APLP2: variants seen among roughly 807,000 people sequenced by gnomAD.
APLP2 encodes the protein CDEI box-binding protein.
A neutral mutation model predicts 89.9 loss-of-function variants in APLP2; 53 were observed. The observed-to-expected ratio is 0.59, with a 90% CI of 0.47 to 0.74. The LOEUF (loss-of-function observed/expected upper bound fraction) is 0.74. APLP2 is among the 30% of genes least tolerant of loss of function. The probability of loss-of-function intolerance (pLI) is 0.00; values close to 1 mark genes in which losing one functional copy is unlikely to be tolerated. For missense variants in APLP2, 973 were observed against 975.9 expected (o/e 1.00, Z 0.04); for synonymous variants, 372 against 348.6 (o/e 1.07, Z -0.75).
At chr11:130,134,599 T>A (rs894011548) in intron 12 of APLP2, among the ~76,000 whole-genome samples, 5 of 152,366 alleles carry the variant, frequency 3.3e-5, no homozygotes, top group Middle Eastern at 3.4e-3. Flanking sequence ...TATGAATTTT[T>A]AAAAGCTCAC....
chr11:130,070,478 G>C (rs74946162), intron 1 of APLP2: 69,857 of 1,088,572 alleles, frequency 0.064, 3,100 homozygotes, highest in African/African-American at 0.2. Flanking sequence ...GCTTTCTCCA[G>C]GGGCGGCCCC....
Position 130,135,684 on chromosome 11 carries a change from C to G in APLP2, c.1806C>G (p.Phe602Leu). Reference protein sequence around the residue: ...ESEEIPPFHPFHPFPALPENE... With the variant: ...ESEEIPPFHPLHPFPALPENE... ...AGGAGATCCCACCGTTCCACCCCTT[C>G]CACCCCTTCCCAGCCCTACCTGAGA... is the stretch of plus-strand genomic sequence containing the variant. Residue 602 changes from phenylalanine (F) to leucine (L), a missense_variant, in exon 13 of 17, where the codon TTC becomes TTG. Phe to Leu is a conservative substitution (Grantham distance 22). Transcript: ENST00000338167. The G allele has an allele frequency of 6.2e-7, 1 of 1,614,148 alleles. No individual in the cohort carries two copies. The highest frequency in any genetic ancestry group is 8.5e-7 in the Non-Finnish European group (1 of 1,180,014).
At chr11:130,094,142 C>T (rs1350123909) in intron 1 of APLP2, among the ~76,000 whole-genome samples, 2 of 151,346 alleles carry the variant, frequency 1.3e-5, no homozygotes, top group Middle Eastern at 3.4e-3. Flanking sequence ...CAACTTCTGC[C>T]TCCCGGGTTT....
intron 1 of APLP2, among the ~76,000 whole-genome samples, chr11:130,074,338 C>G (rs1941716304): frequency 6.6e-6 from 1 of 152,150 alleles, no homozygotes; most frequent in Non-Finnish European, 1.5e-5. Context: ...GCCTCAGCCT[C>G]CAGAGTAGCT....
At chr11:130,133,483 CT>C in intron 11 of APLP2, 145 bp from the exon 12 acceptor site, 1 of 621,898 alleles carries the variant, frequency 1.6e-6, no homozygotes. Context: ...TACATTTCCC[CT>C]GACCAGTTGC....
At chr11:130,137,195 TC>T in intron 13 of APLP2, 2 of 1,460,198 alleles carry the variant, frequency 1.4e-6, no homozygotes, top group South Asian at 1.2e-5. Flanking sequence ...GAAGCCATTT[TC>T]TTTTTTAATC....
chr11:130,084,625 T>A (rs963524084), intron 1 of APLP2, among the ~76,000 whole-genome samples: 1 of 152,076 alleles, frequency 6.6e-6, no homozygotes, highest in African/African-American at 2.4e-5. Context: ...AATTAGATGA[T>A]GTTTTGAACG....
Position 130,141,647 on chromosome 11 carries a change from G to A in APLP2, c.1998+75G>A. On this transcript the variant is annotated intron_variant, in intron 15 of 16. Transcript: ENST00000338167. The surrounding 1 kb of genome is among the most constrained non-coding windows in gnomAD (Gnocchi z 4.2). The stretch of plus-strand genomic sequence containing the variant: ...TCTCCTCTGGACCTTCTCAGTTCAA[G>A]TAGAAAACGGGAGAGATGCCTGAGC... The A allele has an allele frequency of 1.5e-6, 2 of 1,355,626 alleles. No individual in the cohort carries two copies. The highest frequency in any genetic ancestry group is 1.2e-5 in the South Asian group (1 of 83,468). The allele number at this position is 1,355,626 out of a possible 1,614,324, so 84.0% of individuals were successfully genotyped here.
intron 1 of APLP2, among the ~76,000 whole-genome samples, chr11:130,097,208 T>G (rs1004279212): frequency 6.6e-5 from 10 of 152,246 alleles, no homozygotes; most frequent in African/African-American, 2.4e-4. Context: ...ATATCCAGAT[T>G]GATATCTGAG....
chr11:130,100,918 A>G (rs985609391), intron 1 of APLP2, among the ~76,000 whole-genome samples: 1 of 152,340 alleles, frequency 6.6e-6, no homozygotes, highest in East Asian at 1.9e-4. Context: ...TTTTACTGCT[A>G]TACAACCGGA....
rs1951479796 is a variant in APLP2 at position 130,135,628 on chromosome 11, G to A, written c.1750G>A (p.Val584Met). The change falls in exon 13 of 17, where the codon GTG becomes ATG. Residue 584 changes from valine to methionine, a missense_variant. By Grantham distance (21) the Val-to-Met change is conservative. Transcript: ENST00000338167. ...QFTASISETP[V>M]DVRVSSEESE... ...CACTGCCTCAATCTCAGAGACCCCT[G>A]TGGACGTCCGGGTGAGCTCTGAGGA... 1.9e-6 allele frequency: 3 copies of A among 1,614,072 alleles called. No individual in the cohort carries two copies. The highest frequency in any genetic ancestry group is 2.2e-5 in the East Asian group (1 of 44,898).
At chr11:130,097,418 G>T (rs1379534766) in intron 1 of APLP2, among the ~76,000 whole-genome samples, 3 of 152,214 alleles carry the variant, frequency 2.0e-5, no homozygotes, top group Non-Finnish European at 4.4e-5. Context: ...TAAGGACCAG[G>T]TATGGCGACT....
chr11:130,121,315 T>C lies in APLP2; in HGVS notation c.517-299T>C, dbSNP rs541074734. Among the ~76,000 whole-genome samples the C allele has an allele frequency of 7.4e-4, 113 of 152,356 alleles. 2 individuals are homozygous for C. The South Asian group carries it at 0.019, about 26-fold the overall frequency. ...CACCAGTGGTGAGTATCTATTAACA[T>C]TGACCACCTTATCTGGCTTTAGTCA... On this transcript the variant is annotated intron_variant, in intron 4 of 16. Transcript: ENST00000338167.
rs1466747449 is a variant in APLP2, at chr11:130,130,099, A to G, written c.1517A>G (p.His506Arg). Residue 506 changes from histidine (H) to arginine (R), a missense_variant, in exon 11 of 17, where the codon CAT becomes CGT. His to Arg is a conservative substitution (Grantham distance 29). Transcript: ENST00000338167. Reference sequence around the variant, plus strand: ...CGTGCTGAGAACAAAGATCGCTTACATACCATCCGTCATTACCAGCATGTG... The same window carrying G: ...CGTGCTGAGAACAAAGATCGCTTACGTACCATCCGTCATTACCAGCATGTG... ...YVRAENKDRL[H>R]TIRHYQHVLA... 4 of 1,614,132 alleles carry G rather than the reference A, an allele frequency of 2.5e-6. No individual in the cohort carries two copies. Among genetic ancestry groups the G allele is most frequent in the Non-Finnish European group, 1.7e-6 (2 of 1,180,038 alleles).
chr11:130,099,095 C>T (rs1472892569), intron 1 of APLP2, among the ~76,000 whole-genome samples: 1 of 152,160 alleles, frequency 6.6e-6, no homozygotes, highest in Non-Finnish European at 1.5e-5. Flanking sequence ...AGCCCAACTT[C>T]ACACCATTTA....
intron 11 of APLP2, among the ~76,000 whole-genome samples, chr11:130,131,180 C>G (rs571006682): frequency 2.0e-5 from 3 of 152,308 alleles, no homozygotes; most frequent in African/African-American, 7.2e-5. Context: ...CTCACTGCAA[C>G]TTCTGCCTCC....
chr11:130,105,930 C>T (rs57040202), intron 1 of APLP2, among the ~76,000 whole-genome samples: 14,794 of 151,834 alleles, frequency 0.097, 1,065 homozygotes, highest in African/African-American at 0.19. Context: ...CTCGAACTCC[C>T]GACCTCAGGT....
chr11:130,091,773 A>C (rs1345958413), intron 1 of APLP2, among the ~76,000 whole-genome samples: 25 of 127,450 alleles, frequency 2.0e-4, no homozygotes, highest in Admixed American at 6.4e-4. Flanking sequence ...GGGGGGCTGA[A>C]CCCCCCACCT....
chr11:130,114,433 T>TC (rs1260609485), intron 3 of APLP2: 2 of 152,240 alleles, frequency 1.3e-5, no homozygotes, highest in Admixed American at 1.3e-4. Flanking sequence ...TCTCACTGCA[T>TC]CATAGCAGGA....
Sources: allele counts gnomAD v4.1 joint callset (sites outside exome capture counted in the v4.1 genomes callset), GRCh38; gene constraint gnomAD v4.1.1; non-coding constraint Gnocchi (gnomAD v3.1); transcripts MANE v1.5; gene names NCBI Gene and HGNC (gene_info 2026-07-23, HGNC 2026-07-21).